The following CD226 variants were observed in gnomAD, a reference collection of about 807,000 sequenced individuals.
CD226 encodes the protein CD226 molecule.
In CD226, 24 loss-of-function variants were observed where a neutral mutation model predicts 34.9. The ratio of observed to expected loss-of-function variants is 0.69; its 90% CI spans 0.50 to 0.97. The LOEUF (loss-of-function observed/expected upper bound fraction) is 0.97, where lower values mean the gene tolerates loss of function less well. Among genes scored for constraint, CD226 ranks in the 50% least tolerant of loss-of-function variants. The probability of loss-of-function intolerance (pLI) is 0.00; values close to 1 mark genes in which losing one functional copy is unlikely to be tolerated. For synonymous variants in CD226, 148 were observed against 147.4 expected (o/e 1.00, Z -0.03); for missense variants, 397 against 412.7 (o/e 0.96, Z 0.33).
At chr18:69,903,505 G>A (rs538015488) in intron 2 of CD226, among the ~76,000 whole-genome samples, 17 of 152,248 alleles carry the variant, frequency 1.1e-4, no homozygotes, top group Admixed American at 2.0e-4. Context: ...TTCCTATGGT[G>A]AAGTCCTAGC....
intron 2 of CD226, among the ~76,000 whole-genome samples, chr18:69,931,273 C>A (rs1429894093): frequency 6.6e-6 from 1 of 151,742 alleles, no homozygotes; most frequent in Admixed American, 6.6e-5. Context: ...AGGAGATATA[C>A]CTAATGCTAA....
chr18:69,879,354 C>T (rs147273436), intron 3 of CD226, among the ~76,000 whole-genome samples: 130 of 152,170 alleles, frequency 8.5e-4, no homozygotes, highest in Middle Eastern at 3.4e-3. Context: ...AGACACCCCC[C>T]GCTGAGAGGC....
chr18:69,905,174 G>A (rs188844848), intron 2 of CD226, among the ~76,000 whole-genome samples: 28 of 152,224 alleles, frequency 1.8e-4, no homozygotes, highest in African/African-American at 5.8e-4. Context: ...AAGGGACTCC[G>A]GTGACAGCCA....
chr18:69,888,079 A>T (rs1249055521), intron 3 of CD226, among the ~76,000 whole-genome samples: 1 of 152,236 alleles, frequency 6.6e-6, no homozygotes, highest in East Asian at 1.9e-4. Flanking sequence ...AATGTTTGAA[A>T]TACTTCAGAT....
At chr18:69,931,732 C>T (rs1275752810) in intron 2 of CD226, among the ~76,000 whole-genome samples, 2 of 152,172 alleles carry the variant, frequency 1.3e-5, no homozygotes, top group South Asian at 2.1e-4. Context: ...TAATGAAGAA[C>T]ACACTAGGAA....
At chr18:69,923,782 G>A (rs905419354) in intron 2 of CD226, among the ~76,000 whole-genome samples, 9 of 151,952 alleles carry the variant, frequency 5.9e-5, no homozygotes, top group South Asian at 2.1e-4. Context: ...GTGAAACCCC[G>A]TCTCTACTAA....
intron 4 of CD226, among the ~76,000 whole-genome samples, chr18:69,869,997 T>C (rs1983409582): frequency 1.3e-5 from 2 of 151,120 alleles, no homozygotes; most frequent in South Asian, 4.2e-4. Context: ...AGAGATGGGG[T>C]TTCACCATGT....
At chr18:69,865,690 CAACA>C (rs1245803791) in intron 5 of CD226, among the ~76,000 whole-genome samples, 2 of 151,650 alleles carry the variant, frequency 1.3e-5, no homozygotes, top group Admixed American at 6.6e-5. Flanking sequence ...TGTTTTTTGC[CAACA>C]AACAAAAAAA....
At chr18:69,899,502 G>A (rs765985312) in intron 2 of CD226, among the ~76,000 whole-genome samples, 1 of 152,094 alleles carries the variant, frequency 6.6e-6, no homozygotes, top group Non-Finnish European at 1.5e-5. Flanking sequence ...CCAACCTAAA[G>A]AATGGGAGGA....
intron 2 of CD226, among the ~76,000 whole-genome samples, chr18:69,929,490 G>C (rs371337768): frequency 1.9e-4 from 29 of 152,124 alleles, no homozygotes; most frequent in African/African-American, 6.5e-4. Flanking sequence ...GACAATGTGA[G>C]GGTTAAATGA....
chr18:69,926,995 A>C (rs1410525161), intron 2 of CD226, among the ~76,000 whole-genome samples: 2 of 138,464 alleles, frequency 1.4e-5, no homozygotes, highest in African/African-American at 3.5e-5. Flanking sequence ...ATAATCCTGG[A>C]ACTAAGCTCA....
At chr18:69,917,640 G>A (rs17081819) in intron 2 of CD226, among the ~76,000 whole-genome samples, 8,792 of 152,244 alleles carry the variant, frequency 0.058, 300 homozygotes, top group East Asian at 0.12. Context: ...GTGAGTTAGC[G>A]CTGTCAGTTT....
In CD226 at chr18:69,870,272, C is replaced by CTTT. The variant is rs66643759; in HGVS notation, c.831-2864_831-2862dup. Among the ~76,000 whole-genome samples, 93 of 124,090 alleles carry CTTT rather than the reference C, an allele frequency of 7.5e-4. 1 individual carries two copies. The highest frequency in any genetic ancestry group is 0.01 in the Middle Eastern group (2 of 194). The allele number at this position is 124,090 out of a possible 152,430, so 81.4% of individuals were successfully genotyped here. A position where few individuals can be genotyped will look rare whatever the true frequency, so the allele number is the denominator to read the frequency against. On this transcript the variant is annotated intron_variant, in intron 4 of 5. Coordinates refer to ENST00000582621, the MANE Select transcript of CD226 (RefSeq NM_001303618.2). ...TCTATAGAACACAGTTTGGCTCCCC[C>CTTT]TTTTTTTTTTTTTTTTTTTTGAGAC...
intron 2 of CD226, among the ~76,000 whole-genome samples, chr18:69,930,418 CA>C (rs1356963278): frequency 6.6e-6 from 1 of 152,122 alleles, no homozygotes; most frequent in African/African-American, 2.4e-5. Flanking sequence ...GCAAAAGCAT[CA>C]AATCTCTGAG....
chr18:69,938,851 A>T (rs56322307), intron 2 of CD226, among the ~76,000 whole-genome samples: 1 of 152,184 alleles, frequency 6.6e-6, no homozygotes, highest in Non-Finnish European at 1.5e-5. Flanking sequence ...TTGGGAGGCC[A>T]AGGTGGGGTG....
upstream of CD226, chr18:69,957,294 G>A (rs2055906050): frequency 6.6e-6 from 1 of 151,550 alleles, no homozygotes; most frequent in African/African-American, 2.4e-5. Context: ...TAAGTCAAGA[G>A]GCTTCCTTAT....
At chr18:69,890,275 T>C (rs1255842973) in intron 3 of CD226, among the ~76,000 whole-genome samples, 1 of 152,172 alleles carries the variant, frequency 6.6e-6, no homozygotes, top group African/African-American at 2.4e-5. Flanking sequence ...TCTCAATTAA[T>C]TTCTGATAAC....
chr18:69,945,164 T>C (rs2145364369), intron 2 of CD226, among the ~76,000 whole-genome samples: 2 of 152,356 alleles, frequency 1.3e-5, no homozygotes, highest in Middle Eastern at 6.8e-3. Context: ...TTGTCACTAA[T>C]ATCTGAAAAT....
Position 69,858,570 on chromosome 18 carries a change from G to A in CD226, c.*5744C>T, listed in dbSNP as rs2145159577. On this transcript the variant is annotated 3_prime_UTR_variant, in exon 6 of 6. Transcript: ENST00000582621. ...TTCACTGCCCTGTGTTCTAGGGAGG[G>A]TATCGAAGCCCAAATTGTTGCTTTC... 6.6e-6 allele frequency: 1 copy of A among 152,208 alleles called. No homozygotes were observed. The highest frequency in any genetic ancestry group is 2.4e-5 in the African/African-American group (1 of 41,490). 9.4% of individuals were successfully genotyped at this position (152,208 alleles called of 1,614,324 possible). A position where few individuals can be genotyped will look rare whatever the true frequency, so the allele number is the denominator to read the frequency against.
Sources: gnomAD v4.1 joint callset for allele counts (sites outside exome capture counted in the v4.1 genomes callset) on GRCh38, gnomAD v4.1.1 for gene constraint, MANE v1.5 for transcripts, NCBI Gene and HGNC (gene_info 2026-07-23, HGNC 2026-07-21) for gene names.